The following RFT1 variants were observed in gnomAD, a reference collection of about 807,000 sequenced individuals.
RFT1 encodes man(5)GlcNAc(2)-PP-dolichol translocation protein RFT1.
RFT1 carries 43 observed loss-of-function variants against 62.2 expected under a neutral mutation model. The ratio of observed to expected loss-of-function variants is 0.69; its 90% CI spans 0.54 to 0.89. The LOEUF (loss-of-function observed/expected upper bound fraction) is 0.89. RFT1 is among the 40% of genes least tolerant of loss of function. The pLI, the probability that RFT1 is intolerant of heterozygous loss-of-function variation, is 0.00. For synonymous variants in RFT1, 262 were observed against 264.6 expected, an observed-to-expected ratio of 0.99 and a Z score of 0.10; for missense variants, 605 against 649.9, an observed-to-expected ratio of 0.93 and a Z score of 0.75.
At chr3:53,111,772 C>G in intron 7 of RFT1, 58 bp downstream of exon 7, 4 of 1,412,228 alleles carry the variant, frequency 2.8e-6, no homozygotes, top group Non-Finnish European at 4.0e-6. Flanking sequence ...AATTGGCAGT[C>G]CTATGAAATC....
chr3:53,079,471 C>T, the RFT1 span, among the ~76,000 whole-genome samples: 1 of 152,168 alleles, frequency 6.6e-6, no homozygotes, highest in Non-Finnish European at 1.5e-5. Context: ...CAGTGGCTCA[C>T]ATGTGTAATC....
rs373476566 is a variant in RFT1, at chr3:53,120,116, ATTAACT to A, written c.559-101_559-96del. The A allele has an allele frequency of 0.3, 328,924 of 1,096,234 alleles. 50,396 individuals are homozygous for A. The highest frequency in any genetic ancestry group is 0.36 in the Middle Eastern group (1,196 of 3,294). 67.9% of individuals were successfully genotyped at this position (1,096,234 alleles called of 1,614,324 possible). A position where few individuals can be genotyped will look rare whatever the true frequency, so the allele number is the denominator to read the frequency against. On this transcript the variant is annotated intron_variant, in intron 5 of 12. Coordinates refer to ENST00000296292, the MANE Select transcript of RFT1 (RefSeq NM_052859.4). ...CCAGTCAAGTAATAGAACTCTCTTG[ATTAACT>A]GCACTTTCTATTCAGCAATGCCTTA...
chr3:53,103,835 G>A (rs1161407726), intron 10 of RFT1, 118 bp downstream of exon 10: 3 of 1,286,514 alleles, frequency 2.3e-6, no homozygotes, highest in Admixed American at 1.8e-5. Flanking sequence ...CCTGCCACCA[G>A]ACAGTTTTCC....
intron 10 of RFT1, 39 bp downstream of exon 10, chr3:53,103,914 G>T (rs780226952): frequency 1.9e-6 from 3 of 1,612,046 alleles, no homozygotes; most frequent in South Asian, 1.1e-5. Flanking sequence ...TATTTATGTT[G>T]GGAAATCAGA....
At chr3:53,097,986 G>T (rs147960489) in intron 11 of RFT1, among the ~76,000 whole-genome samples, 53 of 152,330 alleles carry the variant, frequency 3.5e-4, no homozygotes, top group South Asian at 8.3e-4. Flanking sequence ...AATCAATTTA[G>T]AGGGTAATGG....
chr3:53,129,635 G>A (rs1310300432), intron 1 of RFT1, among the ~76,000 whole-genome samples: 3 of 152,086 alleles, frequency 2.0e-5, no homozygotes, highest in African/African-American at 4.8e-5. Flanking sequence ...TGGACTAACT[G>A]GCCTGTATCA....
chr3:53,069,817 A>G, the RFT1 span, among the ~76,000 whole-genome samples: 1 of 152,210 alleles, frequency 6.6e-6, no homozygotes, highest in South Asian at 2.1e-4. Context: ...ACCGCTGAAA[A>G]CAGCCTGGAT....
At chr3:53,114,136 G>A (rs1292948732) in intron 6 of RFT1, among the ~76,000 whole-genome samples, 1 of 152,180 alleles carries the variant, frequency 6.6e-6, no homozygotes, top group Non-Finnish European at 1.5e-5. Context: ...GTCATCTTCA[G>A]ACTTGGATTC....
the RFT1 span, among the ~76,000 whole-genome samples, chr3:53,067,344 T>C: frequency 2.6e-5 from 4 of 152,236 alleles, no homozygotes; most frequent in South Asian, 8.3e-4. Context: ...AGCAAGACCC[T>C]GTCTCAAAAA....
chr3:53,088,119 G>A (rs1331783599), downstream of RFT1, among the ~76,000 whole-genome samples: 2 of 152,210 alleles, frequency 1.3e-5, no homozygotes, highest in Non-Finnish European at 2.9e-5. Flanking sequence ...GCTCTGTGCT[G>A]AAACTAGTCC....
chr3:53,101,695 A>G (rs551428966), intron 10 of RFT1, among the ~76,000 whole-genome samples: 1 of 152,322 alleles, frequency 6.6e-6, no homozygotes, highest in South Asian at 2.1e-4. Flanking sequence ...AGTTAAAATG[A>G]GGTCATTAGG....
At position 53,091,895 on chromosome 3, in the gene RFT1, C is replaced by T. The variant is rs1357802828; in HGVS notation, c.*8G>A. On this transcript the variant is annotated 3_prime_UTR_variant, in exon 13 of 13. Transcript: ENST00000296292. ...CCAGGTGCCTCGGGTGTCCAGGCTT[C>T]CCTGAAGTCATGTCATTTTGTCAGT... is the stretch of plus-strand genomic sequence containing the variant. 3.7e-6 allele frequency: 6 copies of T among 1,614,128 alleles called. No individual in the cohort carries two copies. The highest frequency in any genetic ancestry group is 5.1e-6 in the Non-Finnish European group (6 of 1,180,032).
chr3:53,116,497 T>C (rs1030550630), intron 6 of RFT1, among the ~76,000 whole-genome samples: 1 of 151,552 alleles, frequency 6.6e-6, no homozygotes, highest in African/African-American at 2.4e-5. Flanking sequence ...TCTTACCATG[T>C]TTCCCAGGCT....
rs1355642055 is a variant in RFT1 at position 53,099,463 on chromosome 3, A to C, written c.1126T>G (p.Cys376Gly). 6.2e-7 allele frequency: 1 copy of C among 1,613,952 alleles called. No individual in the cohort carries two copies. Among genetic ancestry groups the C allele is most frequent in the Non-Finnish European group, 8.5e-7 (1 of 1,179,964 alleles). Reference sequence around the variant, plus strand: ...ATGGCAAGCAGGAGAACATAGAGACAGTAGGAACGCAGCAAAACAGGACCT... The same window carrying C: ...ATGGCAAGCAGGAGAACATAGAGACCGTAGGAACGCAGCAAAACAGGACCT... The part of the protein sequence containing the change: ...GSGPVLLRSY[C>G]LYVLLLAING... Residue 376 changes from cysteine (C) to glycine (G), a missense_variant, in exon 11 of 13, where the codon TGT becomes GGT. By Grantham distance (159) the Cys-to-Gly change is radical. Transcript: ENST00000296292.
At chr3:53,075,241 C>T in the RFT1 span, among the ~76,000 whole-genome samples, 5 of 152,324 alleles carry the variant, frequency 3.3e-5, no homozygotes, top group Middle Eastern at 3.4e-3. Context: ...CCCACTTAGC[C>T]GATTGAATCT....
chr3:53,094,215 C>A (rs1389334866), intron 11 of RFT1, among the ~76,000 whole-genome samples: 1 of 152,080 alleles, frequency 6.6e-6, no homozygotes, highest in African/African-American at 2.4e-5. Flanking sequence ...GAGACCATGT[C>A]TCTACCAAAA....
At chr3:53,103,342 A>G in intron 10 of RFT1, 1 of 933,814 alleles carries the variant, frequency 1.1e-6, no homozygotes, top group Non-Finnish European at 1.3e-6. Flanking sequence ...AGCCCAGCAC[A>G]TTTTGAAATT....
intron 6 of RFT1, among the ~76,000 whole-genome samples, chr3:53,117,745 C>T (rs775746626): frequency 9.2e-5 from 14 of 152,124 alleles, no homozygotes; most frequent in Non-Finnish European, 1.9e-4. Context: ...TTAAGGATAC[C>T]CACTTGTGCC....
chr3:53,095,867 T>A (rs1701125197), intron 11 of RFT1, among the ~76,000 whole-genome samples: 1 of 152,100 alleles, frequency 6.6e-6, no homozygotes, highest in African/African-American at 2.4e-5. Context: ...GGCACTGATA[T>A]CTTATGTGCC....
Sources: gnomAD v4.1 joint callset for allele counts (sites outside exome capture counted in the v4.1 genomes callset) on GRCh38, gnomAD v4.1.1 for gene constraint, MANE v1.5 for transcripts, NCBI Gene and HGNC (gene_info 2026-07-23, HGNC 2026-07-21) for gene names.